Variants in ARMC8 observed in about 807,000 individuals in gnomAD.
ARMC8 encodes armadillo repeat containing 8.
A neutral mutation model predicts 99.3 loss-of-function variants in ARMC8; 20 were observed. The observed-to-expected ratio is 0.20, with a 90% CI of 0.14 to 0.29. The LOEUF is 0.29. Ranked by LOEUF, ARMC8 falls within the 10% of genes least tolerant of loss-of-function variation. The probability of loss-of-function intolerance (pLI) is 1.00; values close to 1 mark genes in which losing one functional copy is unlikely to be tolerated. For synonymous variants in ARMC8, 263 were observed against 278.3 expected, an observed-to-expected ratio of 0.95 and a Z score of 0.55; for missense variants, 569 against 809.5, an observed-to-expected ratio of 0.70 and a Z score of 3.60.
intron 21 of ARMC8, among the ~76,000 whole-genome samples, chr3:138,292,094 A>G (rs978675053): frequency 2.0e-5 from 3 of 151,676 alleles, no homozygotes; most frequent in Admixed American, 1.3e-4. Context: ...CTGGAGTGCA[A>G]TGGCGTGATC....
chr3:138,254,822 A>T (rs997785252), intron 12 of ARMC8, among the ~76,000 whole-genome samples: 4 of 152,256 alleles, frequency 2.6e-5, no homozygotes, highest in African/African-American at 9.6e-5. Flanking sequence ...TCTTCTGAAC[A>T]TTTAACATAA....
chr3:138,234,325 T>C (rs1319862965), intron 6 of ARMC8, among the ~76,000 whole-genome samples: 1 of 152,156 alleles, frequency 6.6e-6, no homozygotes, highest in African/African-American at 2.4e-5. Context: ...TTGACCAGGA[T>C]GGTCTTGATC....
intron 19 of ARMC8, among the ~76,000 whole-genome samples, chr3:138,285,307 G>T (rs1426795953): frequency 6.6e-6 from 1 of 152,192 alleles, no homozygotes; most frequent in East Asian, 1.9e-4. Context: ...TAAGAGAAGA[G>T]AAACTAAAAT....
Position 138,218,786 on chromosome 3 carries a change from A to G in ARMC8, c.123-3140A>G, listed in dbSNP as rs575156585. Among the ~76,000 whole-genome samples the G allele has an allele frequency of 1.3e-4, 20 of 152,350 alleles. No individual in the cohort carries two copies. The South Asian group carries it at 3.7e-3, about 28-fold the overall frequency. ...TAGCACAATGCTGAGCTCAAAAACT[A>G]GTTGTTGAATTTCAGTAAAAGTAAG... On this transcript the variant is annotated intron_variant, in intron 2 of 21. Coordinates refer to ENST00000469044, the MANE Select transcript of ARMC8 (RefSeq NM_001363941.2).
intron 12 of ARMC8, among the ~76,000 whole-genome samples, chr3:138,255,695 A>G (rs2047364958): frequency 6.6e-6 from 1 of 152,236 alleles, no homozygotes; most frequent in Non-Finnish European, 1.5e-5. Flanking sequence ...AGAAAAAAAC[A>G]AAAGCTGGGA....
At chr3:138,192,233 AATG>A (rs2043427001) in intron 1 of ARMC8, among the ~76,000 whole-genome samples, 2 of 151,058 alleles carry the variant, frequency 1.3e-5, no homozygotes, top group Non-Finnish European at 3.0e-5. Flanking sequence ...GCATTTCCCT[AATG>A]ATTAATAATG....
rs1375572249 is a variant in ARMC8 at position 138,187,535 on chromosome 3, G to C, written c.-20G>C. ...GGCCCCCGCGCCGGCGCCTGCAGCAGCCGGGTGGGAAGGCTCAAGATGGCG... is the reference window on the plus strand; with the variant it reads ...GGCCCCCGCGCCGGCGCCTGCAGCACCCGGGTGGGAAGGCTCAAGATGGCG... On this transcript the variant is annotated 5_prime_UTR_variant, in exon 1 of 22. Transcript: ENST00000469044. 10 of 1,535,506 alleles carry C rather than the reference G, an allele frequency of 6.5e-6. No individual in the cohort carries two copies. The highest frequency in any genetic ancestry group is 5.9e-5 in the Admixed American group (3 of 50,966).
At chr3:138,190,845 G>A (rs2043342777) in intron 1 of ARMC8, among the ~76,000 whole-genome samples, 1 of 152,200 alleles carries the variant, frequency 6.6e-6, no homozygotes, top group South Asian at 2.1e-4. Context: ...TGTTAGCCTA[G>A]TGGGAAAAAT....
chr3:138,259,640 A>G (rs2047575041), intron 12 of ARMC8, among the ~76,000 whole-genome samples: 1 of 152,162 alleles, frequency 6.6e-6, no homozygotes, highest in Admixed American at 6.5e-5. Context: ...TGCTATAGAC[A>G]TTCTGTTAGA....
At chr3:138,249,448 A>G (rs2047028095) in intron 12 of ARMC8, among the ~76,000 whole-genome samples, 1 of 151,848 alleles carries the variant, frequency 6.6e-6, no homozygotes, top group Non-Finnish European at 1.5e-5. Flanking sequence ...ATTTCAAAAT[A>G]ATTTTGACCA....
intron 18 of ARMC8, among the ~76,000 whole-genome samples, chr3:138,277,750 T>C (rs750091208): frequency 7.2e-5 from 11 of 152,198 alleles, no homozygotes; most frequent in Non-Finnish European, 1.3e-4. Context: ...GTTGTACATA[T>C]ACGTGCCATA....
At chr3:138,248,947 C>T (rs1395705052) in intron 12 of ARMC8, among the ~76,000 whole-genome samples, 1 of 152,200 alleles carries the variant, frequency 6.6e-6, no homozygotes, top group African/African-American at 2.4e-5. Flanking sequence ...AAGTTTTCTG[C>T]TTCAATTTGA....
intron 5 of ARMC8, among the ~76,000 whole-genome samples, chr3:138,227,689 T>C (rs529957179): frequency 5.9e-4 from 90 of 152,320 alleles, no homozygotes; most frequent in Non-Finnish European, 2.5e-4. Flanking sequence ...TTCTTTTAAG[T>C]TTTTTTCTTT....
At chr3:138,194,241 C>T (rs1415913365) in intron 1 of ARMC8, among the ~76,000 whole-genome samples, 4 of 151,368 alleles carry the variant, frequency 2.6e-5, no homozygotes, top group Non-Finnish European at 5.9e-5. Flanking sequence ...GACAGGGTTT[C>T]ACTGTGTTAG....
Position 138,193,412 on chromosome 3 carries a change from C to CA in ARMC8, c.45+5814dup, listed in dbSNP as rs560538647. ...AGTAGCTCAGATTACAGGCGTGTGCCACCGCGCCCAGCTAATTTTTTGTGT... is the reference window on the plus strand; with the variant it reads ...AGTAGCTCAGATTACAGGCGTGTGCCAACCGCGCCCAGCTAATTTTTTGTGT... On this transcript the variant is annotated intron_variant, in intron 1 of 21. Transcript: ENST00000469044. 5.7e-4 allele frequency among the ~76,000 whole-genome samples: 87 copies of CA among 152,236 alleles called. 2 individuals are homozygous for CA. The South Asian group carries it at 0.017, about 30-fold the overall frequency.
At chr3:138,255,478 A>G (rs183222252) in intron 12 of ARMC8, among the ~76,000 whole-genome samples, 202 of 152,084 alleles carry the variant, frequency 1.3e-3, no homozygotes, top group Admixed American at 5.2e-3. Flanking sequence ...CTGGGATTAC[A>G]GGCCTGAGCC....
intron 1 of ARMC8, among the ~76,000 whole-genome samples, chr3:138,209,548 CT>C (rs1381916835): frequency 6.6e-6 from 1 of 152,164 alleles, no homozygotes; most frequent in East Asian, 1.9e-4. Context: ...GACATTCTTA[CT>C]TTTGAAATTG....
chr3:138,216,768 G>C (rs1047966025), intron 2 of ARMC8, among the ~76,000 whole-genome samples: 10 of 152,162 alleles, frequency 6.6e-5, no homozygotes, highest in Non-Finnish European at 1.3e-4. Flanking sequence ...TCAGTATCCA[G>C]TGTAGTTTTT....
chr3:138,193,040 C>T (rs1359883854), intron 1 of ARMC8, among the ~76,000 whole-genome samples: 1 of 152,110 alleles, frequency 6.6e-6, no homozygotes, highest in Non-Finnish European at 1.5e-5. Flanking sequence ...CTGGTCTCAA[C>T]TTACTGCAGC....
Sources: allele counts gnomAD v4.1 joint callset (sites outside exome capture counted in the v4.1 genomes callset), GRCh38; gene constraint gnomAD v4.1.1; transcripts MANE v1.5; gene names NCBI Gene and HGNC (gene_info 2026-07-23, HGNC 2026-07-21).